The following ARHGAP25 variants were observed in gnomAD, a reference collection of about 807,000 sequenced individuals.
ARHGAP25 encodes the protein rho GTPase-activating protein 25.
ARHGAP25 carries 34 observed loss-of-function variants against 71.0 expected under a neutral mutation model. That is an observed-to-expected ratio of 0.48 (90% confidence interval 0.36 to 0.64). The LOEUF is 0.64. Ranked by LOEUF, ARHGAP25 falls within the 30% of genes least tolerant of loss-of-function variation. The pLI is 0.00. For missense variants in ARHGAP25, 706 were observed against 805.1 expected, an observed-to-expected ratio of 0.88 and a Z score of 1.49; for synonymous variants, 282 against 296.5, an observed-to-expected ratio of 0.95 and a Z score of 0.50.
chr2:68,720,316 C>CAAAAAAAAAAAAAA (rs11314943), intron 2 of ARHGAP25, among the ~76,000 whole-genome samples: 4 of 75,680 alleles, frequency 5.3e-5, no homozygotes, highest in East Asian at 2.8e-4. Flanking sequence ...ACATTTCAGT[C>CAAAAAAAAAAAAAA]AAAAAAAAAA....
intron 1 of ARHGAP25, among the ~76,000 whole-genome samples, chr2:68,754,426 T>C (rs985361166): frequency 6.6e-6 from 1 of 152,242 alleles, no homozygotes; most frequent in East Asian, 1.9e-4. Context: ...CTTGTATAGA[T>C]AGTTTTGTCC....
intron 4 of ARHGAP25, among the ~76,000 whole-genome samples, chr2:68,805,785 T>G (rs1307004407): frequency 6.6e-6 from 1 of 151,994 alleles, no homozygotes; most frequent in African/African-American, 2.4e-5. Flanking sequence ...GGGACCAACG[T>G]GAGAGAGAGA....
At chr2:68,774,737 C>A in intron 1 of ARHGAP25, 1 of 1,009,766 alleles carries the variant, frequency 9.9e-7, no homozygotes, top group Non-Finnish European at 1.2e-6. Context: ...CCTCCTCTAG[C>A]CGGCCGCTGT....
At chr2:68,793,322 G>T (rs1457395435) in intron 4 of ARHGAP25, among the ~76,000 whole-genome samples, 1 of 151,998 alleles carries the variant, frequency 6.6e-6, no homozygotes, top group Non-Finnish European at 1.5e-5. Context: ...GTGCTTTTGA[G>T]GCCTTAGTCA....
intron 4 of ARHGAP25, 43 bp downstream of exon 4, chr2:68,787,999 T>G: frequency 1.3e-6 from 2 of 1,489,372 alleles, no homozygotes; most frequent in Non-Finnish European, 1.9e-6. Flanking sequence ...GCCTATGACA[T>G]CTCAGAAAGT....
At chr2:68,735,613 C>G in intron 1 of ARHGAP25, 1 of 292,222 alleles carries the variant, frequency 3.4e-6, no homozygotes, top group Non-Finnish European at 6.4e-6. Flanking sequence ...TGAACAGGAG[C>G]ACAAAGACTA....
chr2:68,795,786 T>C (rs1442537108), intron 4 of ARHGAP25, among the ~76,000 whole-genome samples: 1 of 152,230 alleles, frequency 6.6e-6, no homozygotes, highest in African/African-American at 2.4e-5. Context: ...TCCCATTTGG[T>C]ATAAAGTCTA....
chr2:68,749,092 A>T (rs1244677295), intron 1 of ARHGAP25, among the ~76,000 whole-genome samples: 1 of 152,112 alleles, frequency 6.6e-6, no homozygotes. Flanking sequence ...ATACCAGCAT[A>T]CAGGGGTGAG....
At chr2:68,782,414 A>G in intron 3 of ARHGAP25, 94 bp downstream of exon 3, 1 of 1,138,984 alleles carries the variant, frequency 8.8e-7, no homozygotes, top group Non-Finnish European at 1.3e-6. Context: ...TTCGGAGAGT[A>G]ATTCAACTAA....
At chr2:68,754,801 A>G (rs920692757) in intron 1 of ARHGAP25, among the ~76,000 whole-genome samples, 9 of 152,172 alleles carry the variant, frequency 5.9e-5, no homozygotes, top group African/African-American at 2.2e-4. Context: ...TTGTAGTAGT[A>G]TCTCATCTTG....
chr2:68,725,923 T>G (rs556869576), intron 2 of ARHGAP25, among the ~76,000 whole-genome samples: 8 of 152,290 alleles, frequency 5.3e-5, no homozygotes, highest in African/African-American at 1.7e-4. Context: ...TCAACCTGGC[T>G]TAGGTCTTTA....
At chr2:68,772,511 T>A (rs908562411) in intron 1 of ARHGAP25, among the ~76,000 whole-genome samples, 1 of 152,270 alleles carries the variant, frequency 6.6e-6, no homozygotes, top group Non-Finnish European at 1.5e-5. Context: ...TGCCTCTGCA[T>A]CTGCTGGAAT....
rs370516331 is a variant in ARHGAP25 at position 68,826,142 on chromosome 2, A to G, written c.1889A>G (p.Glu630Gly). 14 of 1,614,160 alleles carry G rather than the reference A, an allele frequency of 8.7e-6. No individual in the cohort carries two copies. The highest frequency in any genetic ancestry group is 1.3e-5 in the African/African-American group (1 of 75,050). ...GAGAAGAGGAACAAGGCCTTGGAAG[A>G]AGAAGTCAAGGAATTTGTCAAATCC... ...DVEKRNKALE[E>G]EVKEFVKSMK... The change falls in exon 11 of 11, where the codon GAA becomes GGA. Residue 630 changes from glutamate to glycine, a missense_variant. By Grantham distance (98) the Glu-to-Gly change is moderately conservative. Transcript: ENST00000409202.
intron 8 of ARHGAP25, 99 bp downstream of exon 8, chr2:68,818,093 T>G (rs976429695): frequency 7.5e-6 from 11 of 1,475,240 alleles, no homozygotes; most frequent in Non-Finnish European, 1.0e-5. Flanking sequence ...CCAAGCATTT[T>G]AAGCTGGTTA....
intron 1 of ARHGAP25, among the ~76,000 whole-genome samples, chr2:68,756,781 C>T (rs997682180): frequency 5.3e-5 from 8 of 152,004 alleles, no homozygotes; most frequent in South Asian, 4.1e-4. Context: ...GAAACAAAAA[C>T]GTATGGCCCA....
upstream of ARHGAP25, among the ~76,000 whole-genome samples, chr2:68,731,199 A>G (rs1435123621): frequency 6.6e-6 from 1 of 151,980 alleles, no homozygotes; most frequent in East Asian, 1.9e-4. Flanking sequence ...CCCTAAATCA[A>G]CATGCCCCAA....
intron 4 of ARHGAP25, among the ~76,000 whole-genome samples, chr2:68,798,829 C>T (rs1337066794): frequency 6.6e-6 from 1 of 152,122 alleles, no homozygotes; most frequent in Non-Finnish European, 1.5e-5. Context: ...GAAAGAAGAA[C>T]AGGCTCTGGA....
At chr2:68,808,205 G>A (rs1449983588) in intron 5 of ARHGAP25, among the ~76,000 whole-genome samples, 1 of 151,964 alleles carries the variant, frequency 6.6e-6, no homozygotes, top group Non-Finnish European at 1.5e-5. Flanking sequence ...CACCCCAGTT[G>A]CCTGCGTGAA....
intron 1 of ARHGAP25, among the ~76,000 whole-genome samples, chr2:68,771,240 G>C (rs1443881441): frequency 6.6e-6 from 1 of 152,136 alleles, no homozygotes; most frequent in Non-Finnish European, 1.5e-5. Context: ...GCCCCAAGGT[G>C]TTCTGTAAAC....
Sources: gnomAD v4.1 joint callset for allele counts (sites outside exome capture counted in the v4.1 genomes callset) on GRCh38, gnomAD v4.1.1 for gene constraint, MANE v1.5 for transcripts, NCBI Gene and HGNC (gene_info 2026-07-23, HGNC 2026-07-21) for gene names.